Variants in ZC3H4 observed in about 807,000 individuals in gnomAD.
The protein encoded by ZC3H4 is zinc finger CCCH-type containing 4, also known as zinc finger CCCH domain-containing protein 4.
In ZC3H4, 13 loss-of-function variants were observed where a neutral mutation model predicts 108.3. That is an observed-to-expected ratio of 0.12 (90% CI 0.08 to 0.19). The LOEUF is 0.19. Ranked by LOEUF, ZC3H4 falls within the 10% of genes least tolerant of loss-of-function variation. The probability of loss-of-function intolerance (pLI) is 1.00; values close to 1 mark genes in which losing one functional copy is unlikely to be tolerated. For synonymous variants in ZC3H4, 917 were observed against 749.6 expected (o/e 1.22, Z -3.65); for missense variants, 1,734 against 1,838.8 (o/e 0.94, Z 1.04).
Position 47,098,765 on chromosome 19 carries a change from C to CA in ZC3H4, c.162-4158dup, listed in dbSNP as rs754145519. On this transcript the variant is annotated intron_variant, in intron 2 of 14. Coordinates refer to ENST00000253048, the MANE Select transcript of ZC3H4 (RefSeq NM_015168.2). The stretch of plus-strand genomic sequence containing the variant: ...GGTGACAGAGCTAGAGACTCGGTTT[C>CA]AAAAAACAAAACAAAACAAAAGATA... Among the ~76,000 whole-genome samples, 7 of 152,108 alleles carry CA rather than the reference C, an allele frequency of 4.6e-5. No homozygotes were observed. In the South Asian group the frequency reaches 1.0e-3, roughly 23 times the overall value.
chr19:47,098,699 G>A (rs1366824408), intron 2 of ZC3H4, among the ~76,000 whole-genome samples: 1 of 152,212 alleles, frequency 6.6e-6, no homozygotes, highest in Non-Finnish European at 1.5e-5. Flanking sequence ...GGGAGGCGGA[G>A]ATTGCAGTGA....
At chr19:47,086,601 C>A in intron 5 of ZC3H4, 63 bp from the exon 6 acceptor site, 9 of 1,506,272 alleles carry the variant, frequency 6.0e-6, no homozygotes, top group Non-Finnish European at 7.9e-6. Context: ...AGAAAGAAGA[C>A]AACCCACATT....
intron 5 of ZC3H4, among the ~76,000 whole-genome samples, chr19:47,087,773 C>T (rs1413005737): frequency 6.6e-6 from 1 of 152,092 alleles, no homozygotes; most frequent in African/African-American, 2.4e-5. Context: ...ACTGGAGAGG[C>T]TAAGGCACGA....
chr19:47,103,734 G>A (rs1486134763), intron 2 of ZC3H4, among the ~76,000 whole-genome samples: 1 of 148,580 alleles, frequency 6.7e-6, no homozygotes, highest in African/African-American at 2.5e-5. Flanking sequence ...AGACCATCTG[G>A]GCTAACATGG....
At chr19:47,069,036 G>T (rs565331975) in intron 14 of ZC3H4, 56 bp downstream of exon 14, 5 of 1,597,698 alleles carry the variant, frequency 3.1e-6, no homozygotes, top group African/African-American at 2.7e-5. Flanking sequence ...CACCACCGCC[G>T]CTCCCCTGCA....
At chr19:47,080,957 G>C (rs2057510775) in intron 11 of ZC3H4, among the ~76,000 whole-genome samples, 1 of 151,936 alleles carries the variant, frequency 6.6e-6, no homozygotes, top group Admixed American at 6.6e-5. Context: ...TTTTTTTTAA[G>C]AGACGGGGTT....
intron 4 of ZC3H4, among the ~76,000 whole-genome samples, chr19:47,091,527 T>C (rs2122965294): frequency 6.6e-6 from 1 of 151,460 alleles, no homozygotes; most frequent in East Asian, 1.9e-4. Flanking sequence ...TGAGGCAAGA[T>C]TGCGCCACTG....
At chr19:47,082,785 C>T (rs2057547189) in intron 9 of ZC3H4, among the ~76,000 whole-genome samples, 1 of 152,196 alleles carries the variant, frequency 6.6e-6, no homozygotes, top group South Asian at 2.1e-4. Flanking sequence ...TACCCCTGAC[C>T]ACTGCGCTGC....
intron 5 of ZC3H4, among the ~76,000 whole-genome samples, chr19:47,088,271 G>C (rs1027215070): frequency 6.6e-6 from 1 of 151,910 alleles, no homozygotes; most frequent in African/African-American, 2.4e-5. Context: ...AACCCAGCCA[G>C]GCGCAGTGGC....
At chr19:47,106,756 G>C (rs1039147124) in intron 2 of ZC3H4, among the ~76,000 whole-genome samples, 1 of 152,172 alleles carries the variant, frequency 6.6e-6, no homozygotes, top group Non-Finnish European at 1.5e-5. Context: ...ATGATAGAAG[G>C]GTTCTCTGCA....
Position 47,085,151 on chromosome 19 carries a change from C to T in ZC3H4, c.1012G>A (p.Gly338Arg). ...RGRGSRGRGKGMGRGRGRGGS... is the reference protein window; with the variant it reads ...RGRGSRGRGKRMGRGRGRGGS... ...CCTCGGCCTCGGCCCCGACCCATTCCTTTCCCTCGACCTCGGGAGCCCCTG... is the reference window on the plus strand; with the variant it reads ...CCTCGGCCTCGGCCCCGACCCATTCTTTTCCCTCGACCTCGGGAGCCCCTG... The change falls in exon 8 of 15, where the codon GGA becomes AGA. Residue 338 changes from glycine to arginine, a missense_variant. Gly to Arg is a moderately radical substitution (Grantham distance 125). Coordinates refer to ENST00000253048, the MANE Select transcript of ZC3H4 (RefSeq NM_015168.2). 3 of 1,613,680 alleles carry T rather than the reference C, an allele frequency of 1.9e-6. No individual in the cohort carries two copies. Among genetic ancestry groups the T allele is most frequent in the Non-Finnish European group, 2.5e-6 (3 of 1,179,876 alleles).
At chr19:47,096,123 T>C (rs2057816309) in intron 2 of ZC3H4, among the ~76,000 whole-genome samples, 1 of 152,202 alleles carries the variant, frequency 6.6e-6, no homozygotes, top group Admixed American at 6.6e-5. Context: ...AGAGCAGCTT[T>C]TTCTATGAAC....
At chr19:47,100,973 C>T (rs1166146356) in intron 2 of ZC3H4, among the ~76,000 whole-genome samples, 2 of 152,026 alleles carry the variant, frequency 1.3e-5, no homozygotes, top group Non-Finnish European at 2.9e-5. Context: ...GCTGGGATTA[C>T]AGGTGTGAGC....
In ZC3H4 at chr19:47,066,944, G is replaced by A. The variant is rs1476181493; in HGVS notation, c.3324C>T (p.Ser1108=). ...CTGGTGGGGAGGCATCCCCACTCGG[G>A]CTGGCGGTGGGAGAGGGCGCCTCAG... ...GPAEAPSPTA[S]PSGDASPPAT... Residue 1108 remains serine, a synonymous_variant, in exon 15 of 15, where the codon AGC becomes AGT. Coordinates refer to ENST00000253048, the MANE Select transcript of ZC3H4 (RefSeq NM_015168.2). 5 of 1,594,750 alleles carry A rather than the reference G, an allele frequency of 3.1e-6. No homozygotes were observed. Among genetic ancestry groups the A allele is most frequent in the Admixed American group, 3.4e-5 (2 of 58,570 alleles).
chr19:47,097,662 A>G (rs1402781837), intron 2 of ZC3H4, among the ~76,000 whole-genome samples: 2 of 152,228 alleles, frequency 1.3e-5, no homozygotes, highest in African/African-American at 4.8e-5. Flanking sequence ...CAGCGATGCC[A>G]CTTAACAGAC....
At chr19:47,069,440 A>G in intron 13 of ZC3H4, 97 bp from the exon 14 acceptor site, 1 of 1,458,544 alleles carries the variant, frequency 6.9e-7, no homozygotes, top group Non-Finnish European at 9.2e-7. Context: ...ACCGATGGCG[A>G]TGGAGAAGGA....
intron 2 of ZC3H4, among the ~76,000 whole-genome samples, chr19:47,099,394 G>A (rs1380487571): frequency 2.0e-5 from 3 of 152,006 alleles, no homozygotes; most frequent in African/African-American, 4.8e-5. Context: ...GGGAGGCGGA[G>A]GTTGCAGTGA....
intron 2 of ZC3H4, among the ~76,000 whole-genome samples, chr19:47,109,040 G>GT: frequency 6.6e-6 from 1 of 152,062 alleles, no homozygotes. Flanking sequence ...GTAAAAGTTT[G>GT]TAAGTGTATA....
At chr19:47,080,098 C>T (rs1207514527) in intron 11 of ZC3H4, among the ~76,000 whole-genome samples, 1 of 152,074 alleles carries the variant, frequency 6.6e-6, no homozygotes, top group African/African-American at 2.4e-5. Context: ...TGTGCTGATG[C>T]CTTGATCCTT....
Sources: allele counts gnomAD v4.1 joint callset (sites outside exome capture counted in the v4.1 genomes callset), GRCh38; gene constraint gnomAD v4.1.1; transcripts MANE v1.5; gene names NCBI Gene and HGNC (gene_info 2026-07-23, HGNC 2026-07-21).